EXO5: variants seen among roughly 807,000 people sequenced by gnomAD.
EXO5 encodes exonuclease V.
EXO5 carries 11 observed loss-of-function variants against 17.8 expected under a neutral mutation model. The ratio of observed to expected loss-of-function variants is 0.62; its 90% confidence interval spans 0.39 to 1.02. EXO5 has a LOEUF of 1.02. EXO5 is among the 50% of genes least tolerant of loss of function. The pLI, the probability that EXO5 is intolerant of heterozygous loss-of-function variation, is 0.00. For synonymous variants in EXO5, 147 were observed against 166.5 expected, an observed-to-expected ratio of 0.88 and a Z score of 0.90; for missense variants, 364 against 434.8, an observed-to-expected ratio of 0.84 and a Z score of 1.45.
At chr1:40,510,776 T>C (rs925086500) in intron 3 of EXO5, among the ~76,000 whole-genome samples, 1 of 152,230 alleles carries the variant, frequency 6.6e-6, no homozygotes, top group African/African-American at 2.4e-5. Flanking sequence ...GTGAATTTTA[T>C]TTTATTTTAA....
intron 3 of EXO5, among the ~76,000 whole-genome samples, chr1:40,512,353 G>A (rs1417365025): frequency 2.6e-5 from 4 of 152,226 alleles, no homozygotes; most frequent in African/African-American, 4.8e-5. Flanking sequence ...TGATAATGTA[G>A]TTATGAGGAG....
At chr1:40,514,229 G>A (rs888653671) in intron 3 of EXO5, among the ~76,000 whole-genome samples, 8 of 151,334 alleles carry the variant, frequency 5.3e-5, no homozygotes, top group African/African-American at 1.9e-4. Flanking sequence ...GCAGTGAGCC[G>A]AGATCGCGCA....
rs1263974654 is a variant in EXO5 at position 40,515,322 on chromosome 1, C to A, written c.778C>A (p.Gln260Lys). 6.2e-7 allele frequency: 1 copy of A among 1,614,016 alleles called. No homozygotes were observed. ...LGPSVLRHAQQGGFSVKSLGD... is the reference protein window; with the variant it reads ...LGPSVLRHAQKGGFSVKSLGD... ...GCCATCAGTGCTGAGGCATGCCCAG[C>A]AGGGAGGCTTCTCTGTGAAGTCTTT... Residue 260 changes from glutamine to lysine, a missense_variant, in exon 4 of 4, where the codon CAG becomes AAG. Physicochemically the swap from Gln to Lys is moderately conservative, Grantham distance 53 (BLOSUM62 1). Coordinates refer to ENST00000415550, the MANE Select transcript of EXO5 (RefSeq NM_001346953.2).
At position 40,515,108 on chromosome 1, in the gene EXO5, C is replaced by T. The variant is rs1645859307; in HGVS notation, c.564C>T (p.Ala188=). ...TGATTGATGAGCTGCACTATACAGCCAAGGGGGAACTGGAGCTGGCGGAAC... is the reference window on the plus strand; with the variant it reads ...TGATTGATGAGCTGCACTATACAGCTAAGGGGGAACTGGAGCTGGCGGAAC... ...VGVIDELHYT[A]KGELELAELK... The change falls in exon 4 of 4, where the codon GCC becomes GCT. Residue 188 remains alanine (A), a synonymous_variant. Coordinates refer to ENST00000415550, the MANE Select transcript of EXO5 (RefSeq NM_001346953.2). 1.2e-6 allele frequency: 2 copies of T among 1,614,096 alleles called. No homozygotes were observed. The highest frequency in any genetic ancestry group is 1.6e-4 in the Middle Eastern group (1 of 6,062).
chr1:40,509,120 C>T (rs1224548410), intron 1 of EXO5: 3 of 152,386 alleles, frequency 2.0e-5, no homozygotes, highest in African/African-American at 7.2e-5. Context: ...GGACGGCTCC[C>T]TGTTCTTATT....
rs1391023651 is a variant in EXO5 at position 40,508,799 on chromosome 1, G to A, written c.-373G>A. On this transcript the variant is annotated 5_prime_UTR_variant, in exon 1 of 4. Coordinates refer to ENST00000415550, the MANE Select transcript of EXO5 (RefSeq NM_001346953.2). This position sits in a 1 kb window ranked among gnomAD's most constrained non-coding sequence, Gnocchi z 4.2. Reference sequence around the variant, plus strand: ...GCGGGCCGACTGTGTAGTCCGCTCCGGCAGCGCGCTCTGCCCGGCTTCCTC... The same window carrying A: ...GCGGGCCGACTGTGTAGTCCGCTCCAGCAGCGCGCTCTGCCCGGCTTCCTC... 6.6e-6 allele frequency: 1 copy of A among 152,214 alleles called. No individual in the cohort carries two copies. The highest frequency in any genetic ancestry group is 1.5e-5 in the Non-Finnish European group (1 of 68,066). 9.4% of individuals were successfully genotyped at this position (152,214 alleles called of 1,614,324 possible). A position where few individuals can be genotyped will look rare whatever the true frequency, so the allele number is the denominator to read the frequency against.
At position 40,514,710 on chromosome 1, in the gene EXO5, A is replaced by G; in HGVS notation, c.166A>G (p.Lys56Glu). 6.2e-7 allele frequency: 1 copy of G among 1,614,236 alleles called. No individual in the cohort carries two copies. The highest frequency in any genetic ancestry group is 8.5e-7 in the Non-Finnish European group (1 of 1,180,048). The change falls in exon 4 of 4, where the codon AAA becomes GAA. Residue 56 changes from lysine to glutamate, a missense_variant. By Grantham distance (56) the Lys-to-Glu change is moderately conservative. Transcript: ENST00000415550. ...PSSESLGKDD[K>E]PISLQNWKRG... ...TTCTGAATCCCTTGGGAAGGATGAC[A>G]AACCCATAAGCTTACAAAACTGGAA...
chr1:40,510,250 C>A (rs75814631), intron 3 of EXO5, among the ~76,000 whole-genome samples: 2,803 of 152,058 alleles, frequency 0.018, 85 homozygotes, highest in African/African-American at 0.065. Flanking sequence ...GTGAAATTAG[C>A]CATTTGATGG....
At chr1:40,514,344 C>A in intron 3 of EXO5, 171 bp from the exon 4 acceptor site, 1 of 534,336 alleles carries the variant, frequency 1.9e-6, no homozygotes, top group Non-Finnish European at 3.3e-6. Flanking sequence ...TATAGCAATA[C>A]ATACCTGGAC....
chr1:40,515,123 G>A lies in EXO5; in HGVS notation c.579G>A (p.Glu193=). ...ACTATACAGCCAAGGGGGAACTGGA[G>A]CTGGCGGAACTCAAGACACGCAGGC... ...ELHYTAKGEL[E]LAELKTRRRP... Residue 193 remains glutamate, a synonymous_variant, in exon 4 of 4, where the codon GAG becomes GAA. Coordinates refer to ENST00000415550, the MANE Select transcript of EXO5 (RefSeq NM_001346953.2). 1 of 1,614,160 alleles carries A rather than the reference G, an allele frequency of 6.2e-7. No homozygotes were observed. The highest frequency in any genetic ancestry group is 8.5e-7 in the Non-Finnish European group (1 of 1,180,032).
chr1:40,511,721 A>G (rs1300136559), intron 3 of EXO5, among the ~76,000 whole-genome samples: 2 of 152,200 alleles, frequency 1.3e-5, no homozygotes, highest in Admixed American at 6.5e-5. Flanking sequence ...CTAAAATTCT[A>G]TGTCAAATTA....
chr1:40,513,654 G>T (rs1298878184), intron 3 of EXO5, among the ~76,000 whole-genome samples: 1 of 150,388 alleles, frequency 6.6e-6, no homozygotes, highest in Non-Finnish European at 1.5e-5. Context: ...CAGTGGTGCA[G>T]TCTCGGCTCA....
intron 3 of EXO5, 193 bp from the exon 4 acceptor site, chr1:40,514,322 T>C (rs1161530354): frequency 4.7e-6 from 2 of 427,894 alleles, no homozygotes; most frequent in Admixed American, 4.0e-5. Context: ...TATGGATATA[T>C]ATAAGGAGCC....
Position 40,515,659 on chromosome 1 carries a change from C to G in EXO5, c.1115C>G (p.Ala372Gly), listed in dbSNP as rs1225924388. 3.7e-6 allele frequency: 6 copies of G among 1,609,950 alleles called. No homozygotes were observed. The highest frequency in any genetic ancestry group is 1.7e-5 in the Admixed American group (1 of 58,832). The part of the protein sequence containing the change: ...SSTLAPQVKK[A>G]K ...ACACTGGCGCCCCAAGTCAAAAAAG[C>G]CAAATGAATAGAAGGTATGCTTTCA... The change falls in exon 4 of 4, where the codon GCC becomes GGC. Residue 372 changes from alanine (A) to glycine (G), a missense_variant. By Grantham distance (60) the Ala-to-Gly change is moderately conservative. Transcript: ENST00000415550.
At position 40,515,948 on chromosome 1, in the gene EXO5, GA is replaced by G. The variant is rs960979491; in HGVS notation, c.*286del. 4 of 317,254 alleles carry G rather than the reference GA, an allele frequency of 1.3e-5. No homozygotes were observed. The highest frequency in any genetic ancestry group is 8.7e-5 in the African/African-American group (4 of 45,886). The allele number at this position is 317,254 out of a possible 1,614,324, so 19.7% of individuals were successfully genotyped here. ...CCTTCAGTAAACTTTGCTTTCCTAA[GA>G]AAATTCTTCAGTTTCTGATAAGTCA... On this transcript the variant is annotated 3_prime_UTR_variant, in exon 4 of 4. Transcript: ENST00000415550.
chr1:40,513,265 A>T (rs1466505041), intron 3 of EXO5, among the ~76,000 whole-genome samples: 1 of 152,134 alleles, frequency 6.6e-6, no homozygotes, highest in Non-Finnish European at 1.5e-5. Flanking sequence ...TCCTCTTATT[A>T]TTTCATGCAT....
In EXO5 at chr1:40,508,819, T is replaced by C. The variant is rs1174258773; in HGVS notation, c.-353T>C. 6.6e-6 allele frequency: 1 copy of C among 152,318 alleles called. No homozygotes were observed. Among genetic ancestry groups the C allele is most frequent in the Non-Finnish European group, 1.5e-5 (1 of 68,136 alleles). 9.4% of individuals were successfully genotyped at this position (152,318 alleles called of 1,614,324 possible). A position where few individuals can be genotyped will look rare whatever the true frequency, so the allele number is the denominator to read the frequency against. On this transcript the variant is annotated 5_prime_UTR_variant, in exon 1 of 4. Coordinates refer to ENST00000415550, the MANE Select transcript of EXO5 (RefSeq NM_001346953.2). This position sits in a 1 kb window ranked among gnomAD's most constrained non-coding sequence, Gnocchi z 4.2. ...GCTCCGGCAGCGCGCTCTGCCCGGC[T>C]TCCTCAGTCTCCTCGCCGGGAGCGT...
chr1:40,513,597 T>TG, intron 3 of EXO5, among the ~76,000 whole-genome samples: 1 of 151,892 alleles, frequency 6.6e-6, no homozygotes, highest in South Asian at 2.1e-4. Flanking sequence ...TTTTTTTTTT[T>TG]TCTTTTTCTT....
Position 40,514,565 on chromosome 1 carries a change from G to A in EXO5, c.21G>A (p.Glu7=). 1 of 1,613,830 alleles carries A rather than the reference G, an allele frequency of 6.2e-7. No homozygotes were observed. ...GTACCATGGCAGAGACAAGAGAAGA[G>A]GAGACAGTGTCAGCAGAAGCCTCAG... MAETRE[E]ETVSAEASGF... The change falls in exon 4 of 4, where the codon GAG becomes GAA. Residue 7 remains glutamate (E), a synonymous_variant. Coordinates refer to ENST00000415550, the MANE Select transcript of EXO5 (RefSeq NM_001346953.2).
Sources: gnomAD v4.1 joint callset for allele counts (sites outside exome capture counted in the v4.1 genomes callset) on GRCh38, gnomAD v4.1.1 for gene constraint, Gnocchi (gnomAD v3.1) non-coding constraint, MANE v1.5 for transcripts, NCBI Gene and HGNC (gene_info 2026-07-23, HGNC 2026-07-21) for gene names.